The following GIPC2 variants were observed in gnomAD, a reference collection of about 807,000 sequenced individuals.
GIPC2 encodes the protein GIPC PDZ domain containing family member 2, also known as PDZ domain-containing protein GIPC2.
Under a neutral mutation model 30.6 loss-of-function variants are expected in GIPC2, and 30 were observed. The observed-to-expected ratio is 0.98, with a 90% confidence interval of 0.73 to 1.33. The LOEUF (loss-of-function observed/expected upper bound fraction) is 1.33, where lower values mean the gene tolerates loss of function less well. Ranked by LOEUF, GIPC2 falls within the 40% of genes most tolerant of loss-of-function variation. GIPC2 has a pLI of 0.00. For synonymous variants in GIPC2, 167 were observed against 150.0 expected, an observed-to-expected ratio of 1.11 and a Z score of -0.83; for missense variants, 414 against 390.3, an observed-to-expected ratio of 1.06 and a Z score of -0.51.
chr1:78,099,815 G>A (rs1662207275), intron 3 of GIPC2, among the ~76,000 whole-genome samples: 1 of 151,158 alleles, frequency 6.6e-6, no homozygotes, highest in Non-Finnish European at 1.5e-5. Flanking sequence ...ATGAATTGGG[G>A]AAGGTTGTCC....
chr1:78,051,706 GCCTGTCTTGAACT>G (rs1445915473), intron 1 of GIPC2, among the ~76,000 whole-genome samples: 1 of 152,102 alleles, frequency 6.6e-6, no homozygotes. Flanking sequence ...TGCCATGTTG[GCCTGTCTTGAACT>G]CCTGACCTCA....
At chr1:78,057,758 T>C (rs1661322720) in intron 1 of GIPC2, among the ~76,000 whole-genome samples, 1 of 152,246 alleles carries the variant, frequency 6.6e-6, no homozygotes, top group South Asian at 2.1e-4. Flanking sequence ...TTATTGGCTT[T>C]GTGCCAGTCA....
chr1:78,115,170 A>T lies in GIPC2; in HGVS notation c.608-4223A>T, dbSNP rs867356668. 1.7e-4 allele frequency among the ~76,000 whole-genome samples: 26 copies of T among 151,316 alleles called. No individual in the cohort carries two copies. In the Middle Eastern group the frequency reaches 0.014, roughly 79 times the overall value. ...CTTTGTAAGTCCCAGAAACCTTTTT[A>T]TTTTTATTTTTTTTTCAATGTATGT... On this transcript the variant is annotated intron_variant, in intron 3 of 5. Transcript: ENST00000370759.
chr1:78,061,227 T>C (rs1388315855), intron 1 of GIPC2, among the ~76,000 whole-genome samples: 1 of 152,236 alleles, frequency 6.6e-6, no homozygotes, highest in Non-Finnish European at 1.5e-5. Context: ...TCCTTGACAC[T>C]GCTTATTCAG....
chr1:78,105,256 C>T (rs904775764), intron 3 of GIPC2, among the ~76,000 whole-genome samples: 1 of 151,550 alleles, frequency 6.6e-6, no homozygotes, highest in Non-Finnish European at 1.5e-5. Context: ...AAGACATTTA[C>T]CCTAAACAGT....
At chr1:78,090,000 A>T (rs1662007778) in intron 2 of GIPC2, among the ~76,000 whole-genome samples, 3 of 152,178 alleles carry the variant, frequency 2.0e-5, no homozygotes, top group Admixed American at 2.0e-4. Context: ...TAATTTTCAC[A>T]TCATAAATCT....
chr1:78,080,337 G>A (rs1661799647), intron 1 of GIPC2, among the ~76,000 whole-genome samples: 1 of 152,012 alleles, frequency 6.6e-6, no homozygotes, highest in South Asian at 2.1e-4. Flanking sequence ...GTGACCTTAG[G>A]CAAATTACTT....
In GIPC2 at chr1:78,091,935, C is replaced by G. The variant is rs550633879; in HGVS notation, c.427-3017C>G. 11 of 901,460 alleles carry G rather than the reference C, an allele frequency of 1.2e-5. No homozygotes were observed. In the African/African-American group the frequency reaches 1.6e-4, roughly 13 times the overall value. The allele number at this position is 901,460 out of a possible 1,614,324, so 55.8% of individuals were successfully genotyped here. ...ATTTTCTATTAACAACACTCTGTTC[C>G]TGTTCTTGGTCATTTTTGCTTCTTC... On this transcript the variant is annotated intron_variant, in intron 2 of 5. Transcript: ENST00000370759.
In GIPC2 at chr1:78,046,016, G is replaced by A. The variant is rs1014017667; in HGVS notation, c.-79G>A. ...GGCTGCTTTTACCTGCGCGGGGCCC[G>A]GGGCGCAAAGTCCGAGGCGCCGGGG... On this transcript the variant is annotated 5_prime_UTR_variant, in exon 1 of 6. Transcript: ENST00000370759. 21 of 1,394,910 alleles carry A rather than the reference G, an allele frequency of 1.5e-5. No homozygotes were observed. In the African/African-American group the frequency reaches 2.0e-4, roughly 13 times the overall value. The allele number at this position is 1,394,910 out of a possible 1,614,324, so 86.4% of individuals were successfully genotyped here.
intron 1 of GIPC2, among the ~76,000 whole-genome samples, chr1:78,054,692 A>T (rs367567356): frequency 6.6e-6 from 1 of 152,202 alleles, no homozygotes; most frequent in Non-Finnish European, 1.5e-5. Context: ...CCTCATTTTT[A>T]TATGAAAAAT....
intron 3 of GIPC2, among the ~76,000 whole-genome samples, chr1:78,111,264 GTA>G (rs1662460714): frequency 6.6e-6 from 1 of 152,114 alleles, no homozygotes; most frequent in Admixed American, 6.5e-5. Flanking sequence ...GCGGCGGGGG[GTA>G]CTGGACAGAG....
chr1:78,106,591 CAG>C (rs932409878), intron 3 of GIPC2, among the ~76,000 whole-genome samples: 4 of 152,108 alleles, frequency 2.6e-5, no homozygotes, highest in African/African-American at 9.7e-5. Flanking sequence ...AAAACAAAAA[CAG>C]ATTACAACAC....
chr1:78,095,226 G>A, intron 3 of GIPC2, 94 bp downstream of exon 3: 1 of 763,312 alleles, frequency 1.3e-6, no homozygotes, highest in Non-Finnish European at 2.2e-6. Flanking sequence ...GGTGCTATGT[G>A]CTTTTAGTGT....
At chr1:78,081,829 G>A (rs1661834428) in intron 2 of GIPC2, among the ~76,000 whole-genome samples, 2 of 152,016 alleles carry the variant, frequency 1.3e-5, no homozygotes, top group East Asian at 3.8e-4. Context: ...TATTTGGTTG[G>A]TATTATGTTT....
At chr1:78,086,699 G>A (rs1661933519) in intron 2 of GIPC2, among the ~76,000 whole-genome samples, 2 of 152,024 alleles carry the variant, frequency 1.3e-5, no homozygotes, top group Admixed American at 6.6e-5. Flanking sequence ...TGTCTTTTTT[G>A]ATCTTTGTTG....
rs1661059500 is a variant in GIPC2, at chr1:78,045,996, C to T, written c.-99C>T. 1.4e-6 allele frequency: 2 copies of T among 1,391,912 alleles called. No individual in the cohort carries two copies. The highest frequency in any genetic ancestry group is 9.3e-7 in the Non-Finnish European group (1 of 1,076,302). The allele number at this position is 1,391,912 out of a possible 1,614,324, so 86.2% of individuals were successfully genotyped here. On this transcript the variant is annotated 5_prime_UTR_variant, in exon 1 of 6. Transcript: ENST00000370759. ...GAAGCGCGGCTGCCATTGGAGGCTG[C>T]TTTTACCTGCGCGGGGCCCGGGGCG...
At chr1:78,064,872 C>T (rs1202352743) in intron 1 of GIPC2, among the ~76,000 whole-genome samples, 2 of 151,336 alleles carry the variant, frequency 1.3e-5, no homozygotes, top group African/African-American at 4.9e-5. Context: ...GCCTCCCAAG[C>T]AGCTGGGATT....
At chr1:78,065,613 A>T (rs1448756177) in intron 1 of GIPC2, among the ~76,000 whole-genome samples, 1 of 152,200 alleles carries the variant, frequency 6.6e-6, no homozygotes, top group Non-Finnish European at 1.5e-5. Context: ...TGAAAAGAAC[A>T]AAGTTGGAGA....
chr1:78,060,824 TATAGATAG>T (rs549266142), intron 1 of GIPC2, among the ~76,000 whole-genome samples: 1 of 151,642 alleles, frequency 6.6e-6, no homozygotes, highest in Non-Finnish European at 1.5e-5. Context: ...TGTGTGTGTA[TATAGATAG>T]ATAGATAGAT....
Sources: allele counts gnomAD v4.1 joint callset (sites outside exome capture counted in the v4.1 genomes callset), GRCh38; gene constraint gnomAD v4.1.1; transcripts MANE v1.5; gene names NCBI Gene and HGNC (gene_info 2026-07-23, HGNC 2026-07-21).